Variants in INTS6 observed in about 807,000 individuals in gnomAD.
The protein encoded by INTS6 is integrator complex subunit 6.
A neutral mutation model predicts 104.9 loss-of-function variants in INTS6; 16 were observed. The observed-to-expected ratio is 0.15, with a 90% CI of 0.10 to 0.23. The LOEUF is 0.23. Among genes scored for constraint, INTS6 ranks in the 10% least tolerant of loss-of-function variants. The pLI is 1.00. For missense variants in INTS6, 584 were observed against 1,062.8 expected (o/e 0.55, Z 6.26); for synonymous variants, 324 against 358.7 (o/e 0.90, Z 1.09).
intron 3 of INTS6, chr13:51,437,066 A>C (rs1952704258): frequency 6.6e-6 from 1 of 152,218 alleles, no homozygotes; most frequent in South Asian, 2.1e-4. Context: ...AAACTGGGTA[A>C]TAATAACTTG....
chr13:51,449,632 A>C, intron 3 of INTS6: 1 of 985,348 alleles, frequency 1.0e-6, no homozygotes, highest in Non-Finnish European at 1.2e-6. Context: ...AAATAATGGC[A>C]AGTTTTAAAT....
chr13:51,374,332 C>T lies in INTS6; in HGVS notation c.1980G>A (p.Met660Ile), dbSNP rs1227774123. The T allele has an allele frequency of 6.2e-7, 1 of 1,613,970 alleles. No homozygotes were observed. The highest frequency in any genetic ancestry group is 8.5e-7 in the Non-Finnish European group (1 of 1,179,982). ...GCTGTCTGCCTCTTAGTAGTGGAGA[C>T]ATACACCGACGTCTTTTAGGGATCC... Reference protein sequence around the residue: ...MQGIPKRRRCMSPLLRGRQQN... With the variant: ...MQGIPKRRRCISPLLRGRQQN... The change falls in exon 15 of 18, where the codon ATG (methionine) becomes ATA (isoleucine). Residue 660 changes from methionine (M) to isoleucine (I), a missense_variant. Met to Ile is a conservative substitution (Grantham distance 10). Coordinates refer to ENST00000311234, the MANE Select transcript of INTS6 (RefSeq NM_012141.3).
chr13:51,444,001 C>T (rs191883380), intron 3 of INTS6: 2 of 152,218 alleles, frequency 1.3e-5, no homozygotes, highest in Admixed American at 6.5e-5. Flanking sequence ...GTATATAATA[C>T]ATAATTATCG....
At chr13:51,343,027 G>A in the INTS6 span, among the ~76,000 whole-genome samples, 1 of 152,060 alleles carries the variant, frequency 6.6e-6, no homozygotes, top group Admixed American at 6.5e-5. Flanking sequence ...GTTTGGCTGG[G>A]GACCCTGGCC....
chr13:51,377,325 A>C (rs915566807), intron 12 of INTS6, among the ~76,000 whole-genome samples: 1 of 151,888 alleles, frequency 6.6e-6, no homozygotes, highest in Non-Finnish European at 1.5e-5. Context: ...TTCATTTTTA[A>C]TGTTTCTTTT....
At chr13:51,368,811 G>C (rs1276953459) in intron 16 of INTS6, 128 bp downstream of exon 16, 5 of 930,642 alleles carry the variant, frequency 5.4e-6, no homozygotes, top group Non-Finnish European at 7.9e-6. Flanking sequence ...TCTTAACTGA[G>C]ATGTTGTTCA....
chr13:51,447,781 G>A (rs1345518162), intron 3 of INTS6: 5 of 149,902 alleles, frequency 3.3e-5, no homozygotes, highest in East Asian at 3.9e-4. Flanking sequence ...ATATCGGGCC[G>A]GGTGCTGTGG....
chr13:51,435,750 T>G (rs898848731), intron 3 of INTS6, among the ~76,000 whole-genome samples: 1 of 152,060 alleles, frequency 6.6e-6, no homozygotes, highest in African/African-American at 2.4e-5. Context: ...ACCTTACCCT[T>G]AAACGGGTCA....
chr13:51,398,937 A>G (rs1298533381), intron 4 of INTS6, among the ~76,000 whole-genome samples: 1 of 152,190 alleles, frequency 6.6e-6, no homozygotes, highest in Non-Finnish European at 1.5e-5. Flanking sequence ...CATACATATA[A>G]GAACATATAT....
At chr13:51,438,203 A>C (rs1439384739) in intron 3 of INTS6, 1 of 152,132 alleles carries the variant, frequency 6.6e-6, no homozygotes, top group Non-Finnish European at 1.5e-5. Flanking sequence ...GTTTCTAAGA[A>C]TCCTTTCTTG....
intron 3 of INTS6, among the ~76,000 whole-genome samples, chr13:51,356,176 A>G (rs1015062237): frequency 4.6e-5 from 7 of 152,164 alleles, no homozygotes; most frequent in African/African-American, 1.7e-4. Context: ...CTGAACACGC[A>G]AAGAGATAGC....
Position 51,365,182 on chromosome 13 carries a change from T to C in INTS6, c.*570A>G, listed in dbSNP as rs997948172. 1 of 152,542 alleles carries C rather than the reference T, an allele frequency of 6.6e-6. No individual in the cohort carries two copies. The highest frequency in any genetic ancestry group is 1.5e-5 in the Non-Finnish European group (1 of 67,968). 9.4% of individuals were successfully genotyped at this position (152,542 alleles called of 1,614,324 possible). ...AAATTCCATTATCTTAGGATGTTTT[T>C]AAATGATTACTTTAAATGTGATTAT... is the stretch of plus-strand genomic sequence containing the variant. On this transcript the variant is annotated 3_prime_UTR_variant, in exon 18 of 18. Coordinates refer to ENST00000311234, the MANE Select transcript of INTS6 (RefSeq NM_012141.3).
rs1416881968 is a variant in INTS6, at chr13:51,452,085, C to A, written c.112-30G>T. On this transcript the variant is annotated intron_variant, in intron 1 of 17. Coordinates refer to ENST00000311234, the MANE Select transcript of INTS6 (RefSeq NM_012141.3). This position sits in a 1 kb window ranked among gnomAD's most constrained non-coding sequence, Gnocchi z 4.2. Reference sequence around the variant, plus strand: ...GGGACGGGAGGAGGAACAGGGCGGGCGACAGGGAAGCACAGAGGCGAGGTT... The same window carrying A: ...GGGACGGGAGGAGGAACAGGGCGGGAGACAGGGAAGCACAGAGGCGAGGTT... 2 of 1,598,744 alleles carry A rather than the reference C, an allele frequency of 1.3e-6. No individual in the cohort carries two copies. The highest frequency in any genetic ancestry group is 8.5e-7 in the Non-Finnish European group (1 of 1,170,050).
intron 4 of INTS6, among the ~76,000 whole-genome samples, chr13:51,397,773 G>T (rs1042397578): frequency 2.6e-5 from 4 of 151,978 alleles, no homozygotes; most frequent in Non-Finnish European, 5.9e-5. Flanking sequence ...TAGATACATG[G>T]AACTGTCTTG....
intron 13 of INTS6, 31 bp downstream of exon 13, chr13:51,376,017 A>C: frequency 4.5e-6 from 7 of 1,555,004 alleles, no homozygotes; most frequent in Non-Finnish European, 6.1e-6. Flanking sequence ...AAAAAAAATT[A>C]AAAATACCAG....
Position 51,452,604 on chromosome 13 carries a change from CCGCCGCTACGCGGGGCGGGGGA to C in INTS6, c.-101_-80del. ...GAGGTGGAGGCGCCGGTGGCGGCGA[CCGCCGCTACGCGGGGCGGGGGA>C]GCACGGCCCCCGGGAGGAAAACACT... On this transcript the variant is annotated 5_prime_UTR_variant, in exon 1 of 18. Transcript: ENST00000311234. This position sits in a 1 kb window ranked among gnomAD's most constrained non-coding sequence, Gnocchi z 4.2. 6.4e-7 allele frequency: 1 copy of C among 1,556,408 alleles called. No homozygotes were observed. The highest frequency in any genetic ancestry group is 1.4e-5 in the African/African-American group (1 of 72,194).
At chr13:51,391,978 A>C (rs562748436) in intron 5 of INTS6, among the ~76,000 whole-genome samples, 1 of 152,212 alleles carries the variant, frequency 6.6e-6, no homozygotes, top group South Asian at 2.1e-4. Flanking sequence ...ATCCATCTCT[A>C]GTGGTTCGGA....
Position 51,364,363 on chromosome 13 carries a change from A to G in INTS6, c.*1389T>C, listed in dbSNP as rs952110343. The G allele has an allele frequency of 6.6e-6, 5 of 759,924 alleles. No homozygotes were observed. The highest frequency in any genetic ancestry group is 1.0e-5 in the Non-Finnish European group (5 of 492,786). 47.1% of individuals were successfully genotyped at this position (759,924 alleles called of 1,614,324 possible). A position where few individuals can be genotyped will look rare whatever the true frequency, so the allele number is the denominator to read the frequency against. On this transcript the variant is annotated 3_prime_UTR_variant, in exon 18 of 18. Transcript: ENST00000311234. ...TGCTATACCCTTGAAATTTAAAAAA[A>G]TGTCTGATAAAGTGTAAAAAGCTAA...
the INTS6 span, among the ~76,000 whole-genome samples, chr13:51,347,959 C>T: frequency 9.2e-5 from 14 of 151,896 alleles, no homozygotes; most frequent in East Asian, 2.5e-3. Context: ...GCCATCGTCC[C>T]CCCCCCCATA....
Sources: allele counts gnomAD v4.1 joint callset (sites outside exome capture counted in the v4.1 genomes callset), GRCh38; gene constraint gnomAD v4.1.1; non-coding constraint Gnocchi (gnomAD v3.1); transcripts MANE v1.5; gene names NCBI Gene and HGNC (gene_info 2026-07-23, HGNC 2026-07-21).